The following NAALADL2 variants were observed in gnomAD, a reference collection of about 807,000 sequenced individuals.
NAALADL2 encodes the protein inactive N-acetylated-alpha-linked acidic dipeptidase-like protein 2.
Under a neutral mutation model 87.2 loss-of-function variants are expected in NAALADL2, and 76 were observed. The ratio of observed to expected loss-of-function variants is 0.87; its 90% CI spans 0.72 to 1.05. The LOEUF (loss-of-function observed/expected upper bound fraction) is 1.05, where lower values mean the gene tolerates loss of function less well. NAALADL2 is among the 50% of genes least tolerant of loss of function. NAALADL2 has a pLI of 0.00. For missense variants in NAALADL2, 1,089 were observed against 945.8 expected (o/e 1.15, Z -1.99); for synonymous variants, 354 against 331.0 (o/e 1.07, Z -0.75).
At chr3:174,482,824 T>A (rs1717640155) in intron 1 of NAALADL2, among the ~76,000 whole-genome samples, 1 of 152,066 alleles carries the variant, frequency 6.6e-6, no homozygotes, top group Non-Finnish European at 1.5e-5. Flanking sequence ...ATAACACTCA[T>A]ATATGGAACA....
intron 2 of NAALADL2, among the ~76,000 whole-genome samples, chr3:174,657,736 T>C (rs1725115487): frequency 6.6e-6 from 1 of 152,194 alleles, no homozygotes; most frequent in Non-Finnish European, 1.5e-5. Context: ...GTATCTGTCA[T>C]ACAACAGTAT....
intron 3 of NAALADL2, among the ~76,000 whole-genome samples, chr3:174,849,795 G>A (rs1725040776): frequency 6.6e-6 from 1 of 150,964 alleles, no homozygotes; most frequent in African/African-American, 2.4e-5. Context: ...GCCTACGCAG[G>A]GTTAGGATCA....
chr3:174,658,627 A>G (rs943414188), intron 2 of NAALADL2, among the ~76,000 whole-genome samples: 1 of 152,180 alleles, frequency 6.6e-6, no homozygotes, highest in African/African-American at 2.4e-5. Flanking sequence ...GGCTTCTGAA[A>G]GTGAGAAATT....
At chr3:175,578,239 C>T (rs76810461) in intron 10 of NAALADL2, among the ~76,000 whole-genome samples, 4,410 of 152,046 alleles carry the variant, frequency 0.029, 243 homozygotes, top group African/African-American at 0.1. Flanking sequence ...CTGGGCAACA[C>T]GGTGAAATCT....
chr3:175,169,379 G>A (rs1477599139), intron 2 of NAALADL2, among the ~76,000 whole-genome samples: 2 of 151,196 alleles, frequency 1.3e-5, no homozygotes, highest in Non-Finnish European at 3.0e-5. Flanking sequence ...ACTACAGGCA[G>A]ATAATCTAGC....
chr3:174,930,346 G>A (rs904891830), intron 1 of NAALADL2, among the ~76,000 whole-genome samples: 28 of 151,672 alleles, frequency 1.8e-4, no homozygotes, highest in African/African-American at 4.8e-4. Flanking sequence ...CTTTACTTGC[G>A]CTACATGTAT....
At chr3:175,333,232 C>T (rs1581460169) in intron 5 of NAALADL2, among the ~76,000 whole-genome samples, 1 of 152,092 alleles carries the variant, frequency 6.6e-6, no homozygotes, top group Non-Finnish European at 1.5e-5. Flanking sequence ...GTGGTGGTGG[C>T]AGGTTGGGTG....
chr3:174,983,023 C>T (rs1423140427), intron 1 of NAALADL2, among the ~76,000 whole-genome samples: 1 of 152,166 alleles, frequency 6.6e-6, no homozygotes, highest in Non-Finnish European at 1.5e-5. Context: ...TGGTCTCGAT[C>T]TCCTGACCTC....
chr3:175,459,169 A>G (rs1228584277), intron 6 of NAALADL2, among the ~76,000 whole-genome samples: 1 of 152,182 alleles, frequency 6.6e-6, no homozygotes, highest in African/African-American at 2.4e-5. Flanking sequence ...ATTGGAACAC[A>G]TGGTATAAGA....
intron 9 of NAALADL2, among the ~76,000 whole-genome samples, chr3:175,503,015 A>T (rs949993643): frequency 1.3e-5 from 2 of 150,832 alleles, no homozygotes; most frequent in Non-Finnish European, 2.9e-5. Flanking sequence ...TTTGGTGTAG[A>T]TTATGTTGTC....
intron 5 of NAALADL2, among the ~76,000 whole-genome samples, chr3:175,430,283 T>G (rs1670521203): frequency 6.6e-6 from 1 of 151,978 alleles, no homozygotes; most frequent in South Asian, 2.1e-4. Context: ...CTTCTTTAAG[T>G]TATATACGCA....
At chr3:175,368,216 A>G (rs929801197) in intron 5 of NAALADL2, among the ~76,000 whole-genome samples, 4 of 152,160 alleles carry the variant, frequency 2.6e-5, no homozygotes, top group African/African-American at 9.7e-5. Flanking sequence ...CCACTTGATC[A>G]TGGTGGATAA....
intron 1 of NAALADL2, among the ~76,000 whole-genome samples, chr3:174,535,858 T>C (rs1217531386): frequency 2.0e-5 from 3 of 152,158 alleles, no homozygotes; most frequent in Non-Finnish European, 4.4e-5. Flanking sequence ...ATTTACTTTT[T>C]TTTTCTTTCT....
chr3:174,591,225 T>C (rs1338788981), intron 2 of NAALADL2, among the ~76,000 whole-genome samples: 2 of 152,226 alleles, frequency 1.3e-5, no homozygotes, highest in African/African-American at 4.8e-5. Context: ...CCTTGAATTA[T>C]ATTCTTTTCT....
intron 2 of NAALADL2, among the ~76,000 whole-genome samples, chr3:174,580,689 C>G (rs570680109): frequency 1.3e-5 from 2 of 152,034 alleles, no homozygotes; most frequent in African/African-American, 4.8e-5. Flanking sequence ...ATACTTCATT[C>G]CTTCTTATTT....
intron 2 of NAALADL2, among the ~76,000 whole-genome samples, chr3:174,667,545 G>GTTTTTTT (rs71162402): frequency 0.033 from 4,113 of 123,546 alleles, 150 homozygotes; most frequent in Non-Finnish European, 0.044. Context: ...ATGGGAGAGA[G>GTTTTTTT]TTTTTTTTTT....
intron 13 of NAALADL2, among the ~76,000 whole-genome samples, chr3:175,763,775 C>A (rs1371658916): frequency 6.6e-6 from 1 of 152,170 alleles, no homozygotes; most frequent in East Asian, 1.9e-4. Context: ...TCTCTCTCCA[C>A]ATTTAAATGA....
intron 2 of NAALADL2, among the ~76,000 whole-genome samples, chr3:175,164,912 G>T (rs1280759470): frequency 6.6e-6 from 1 of 152,084 alleles, no homozygotes; most frequent in Non-Finnish European, 1.5e-5. Context: ...AGAAGCAAAG[G>T]AATTGTGGAG....
chr3:175,561,451 T>G (rs62288386), intron 9 of NAALADL2, among the ~76,000 whole-genome samples: 19,676 of 152,116 alleles, frequency 0.13, 1,363 homozygotes, highest in Middle Eastern at 0.17. Context: ...GTGGATTCAG[T>G]TTCCAAAACC....
Sources: gnomAD v4.1 joint callset for allele counts (sites outside exome capture counted in the v4.1 genomes callset) on GRCh38, gnomAD v4.1.1 for gene constraint, MANE v1.5 for transcripts, NCBI Gene and HGNC (gene_info 2026-07-23, HGNC 2026-07-21) for gene names.